SMG1: variants seen among roughly 807,000 people sequenced by gnomAD.
The protein encoded by SMG1 is serine/threonine-protein kinase SMG1.
Under a neutral mutation model 419.9 loss-of-function variants are expected in SMG1, and 22 were observed. That is an observed-to-expected ratio of 0.05 (90% CI 0.04 to 0.07). SMG1 has a LOEUF of 0.07. Among genes scored for constraint, SMG1 ranks in the 10% least tolerant of loss-of-function variants. The pLI, the probability that SMG1 is intolerant of heterozygous loss-of-function variation, is 1.00. For missense variants in SMG1, 3,185 were observed against 4,342.0 expected (o/e 0.73, Z 7.49); for synonymous variants, 1,538 against 1,553.5 (o/e 0.99, Z 0.23).
intron 31 of SMG1, among the ~76,000 whole-genome samples, chr16:18,853,124 G>A (rs1013706182): frequency 6.6e-6 from 1 of 152,148 alleles, no homozygotes; most frequent in African/African-American, 2.4e-5. Context: ...AAAAACAGGG[G>A]AATTATGCCT....
intron 1 of SMG1, among the ~76,000 whole-genome samples, chr16:18,903,906 T>A (rs1441616040): frequency 6.7e-6 from 1 of 148,392 alleles, no homozygotes; most frequent in African/African-American, 2.5e-5. Context: ...ATCTGTCTAT[T>A]CCCCCCATTT....
At chr16:18,817,157 G>A in intron 57 of SMG1, 134 bp downstream of exon 57, 1 of 551,216 alleles carries the variant, frequency 1.8e-6, no homozygotes, top group East Asian at 3.8e-5. Context: ...AATCATCACT[G>A]TCCCCCCGCC....
At chr16:18,919,067 C>T (rs1436459005) in intron 1 of SMG1, among the ~76,000 whole-genome samples, 1 of 152,162 alleles carries the variant, frequency 6.6e-6, no homozygotes, top group Non-Finnish European at 1.5e-5. Flanking sequence ...TAGCTTATGC[C>T]TGTAATCCCA....
chr16:18,888,759 C>T (rs560753881), intron 6 of SMG1, among the ~76,000 whole-genome samples: 5 of 151,282 alleles, frequency 3.3e-5, no homozygotes, highest in African/African-American at 4.9e-5. Context: ...TAGGCCACCA[C>T]GCTTGGCTGA....
At chr16:18,911,989 G>C (rs1484196541) in intron 1 of SMG1, among the ~76,000 whole-genome samples, 2 of 151,058 alleles carry the variant, frequency 1.3e-5, no homozygotes, top group Admixed American at 1.3e-4. Context: ...GCTGAGGCAG[G>C]AGAATCGCTT....
At chr16:18,841,148 C>G (rs555700414) in intron 41 of SMG1, among the ~76,000 whole-genome samples, 3 of 152,042 alleles carry the variant, frequency 2.0e-5, no homozygotes, top group Non-Finnish European at 4.4e-5. Context: ...GCCTGTAATC[C>G]CAGCATTTTG....
chr16:18,925,858 A>T (rs2038379639), intron 1 of SMG1, 92 bp downstream of exon 1: 2 of 971,526 alleles, frequency 2.1e-6, no homozygotes, highest in Non-Finnish European at 2.9e-6. Flanking sequence ...TGGAGGGCCT[A>T]GGCCGCGCCT....
chr16:18,832,342 T>C (rs1417706084), intron 51 of SMG1, among the ~76,000 whole-genome samples: 1 of 152,202 alleles, frequency 6.6e-6, no homozygotes, highest in African/African-American at 2.4e-5. Context: ...TTTTCTGGAC[T>C]AATGAGATGA....
chr16:18,845,341 C>T, intron 39 of SMG1, 88 bp downstream of exon 39: 2 of 1,108,232 alleles, frequency 1.8e-6, no homozygotes, highest in South Asian at 1.6e-5. Flanking sequence ...CTCTTACATT[C>T]CAAGTAAGAA....
chr16:18,892,868 A>T (rs1417374994), intron 3 of SMG1, among the ~76,000 whole-genome samples: 1 of 152,228 alleles, frequency 6.6e-6, no homozygotes, highest in Non-Finnish European at 1.5e-5. Context: ...CCCTCAAAAA[A>T]ATATTTGCTG....
At chr16:18,827,941 A>T in intron 55 of SMG1, 90 bp downstream of exon 55, 1 of 1,381,740 alleles carries the variant, frequency 7.2e-7, no homozygotes, top group Non-Finnish European at 9.8e-7. Flanking sequence ...ACACACAAAT[A>T]GACACACTGA....
chr16:18,872,896 GTAATCCTAGCACT>G (rs1416530336), intron 13 of SMG1, among the ~76,000 whole-genome samples: 7 of 152,130 alleles, frequency 4.6e-5, no homozygotes, highest in African/African-American at 1.7e-4. Context: ...GCTCACACCT[GTAATCCTAGCACT>G]TTGGGAGGGT....
In SMG1 at chr16:18,871,591, C is replaced by G; in HGVS notation, c.2184-109G>C. On this transcript the variant is annotated intron_variant, in intron 15 of 62. Coordinates refer to ENST00000446231, the MANE Select transcript of SMG1 (RefSeq NM_015092.5). ...TCTTCTCTTGGTTTTTCAAACATCT[C>G]AAACAATAAAAAATAAAAATAAAAA... 6.4e-6 allele frequency: 3 copies of G among 467,540 alleles called. No homozygotes were observed. The Admixed American group carries it at 1.2e-4, about 19-fold the overall frequency. The allele number at this position is 467,540 out of a possible 1,614,324, so 29.0% of individuals were successfully genotyped here. A position where few individuals can be genotyped will look rare whatever the true frequency, so the allele number is the denominator to read the frequency against.
chr16:18,852,233 T>A (rs765661063), intron 32 of SMG1, 28 bp from the exon 33 acceptor site: 1 of 1,608,580 alleles, frequency 6.2e-7, no homozygotes. Flanking sequence ...TCATCAGTAT[T>A]TCAGCTACCC....
rs2034524430 is a variant in SMG1, at chr16:18,850,417, ATCT to A, written c.5100_5102del (p.Glu1700del). 1.2e-6 allele frequency: 2 copies of A among 1,613,862 alleles called. No individual in the cohort carries two copies. Among genetic ancestry groups the A allele is most frequent in the Non-Finnish European group, 1.7e-6 (2 of 1,179,870 alleles). ...GACGCCAGATAACATCAACCATGTC[ATCT>A]TCTTCGTTGTCTTCACTCTCAGTTA... is the stretch of plus-strand genomic sequence containing the variant. On this transcript the variant is annotated inframe_deletion, in exon 34 of 63. Transcript: ENST00000446231.
intron 23 of SMG1, among the ~76,000 whole-genome samples, chr16:18,864,606 C>T (rs1332991002): frequency 1.3e-5 from 2 of 152,088 alleles, no homozygotes; most frequent in Non-Finnish European, 2.9e-5. Flanking sequence ...TGCAATCCTC[C>T]AACCTCAGCC....
chr16:18,902,292 TG>T (rs938211829), intron 1 of SMG1, among the ~76,000 whole-genome samples: 18 of 152,116 alleles, frequency 1.2e-4, no homozygotes, highest in African/African-American at 4.1e-4. Flanking sequence ...CTCTGCCCTA[TG>T]CACCTCTACC....
chr16:18,876,743 A>G (rs1382176927), intron 12 of SMG1, among the ~76,000 whole-genome samples: 1 of 151,512 alleles, frequency 6.6e-6, no homozygotes, highest in Non-Finnish European at 1.5e-5. Context: ...TAAATCTACC[A>G]GGAAAGTCTG....
At chr16:18,897,013 T>C in intron 1 of SMG1, 57 bp from the exon 2 acceptor site, 1 of 1,267,720 alleles carries the variant, frequency 7.9e-7, no homozygotes, top group Non-Finnish European at 1.1e-6. Context: ...TAAATATTTC[T>C]TTATACAAGC....
Sources: allele counts gnomAD v4.1 joint callset (sites outside exome capture counted in the v4.1 genomes callset), GRCh38; gene constraint gnomAD v4.1.1; transcripts MANE v1.5; gene names NCBI Gene and HGNC (gene_info 2026-07-23, HGNC 2026-07-21).